The following INF2 variants were observed in gnomAD, a reference collection of about 807,000 sequenced individuals.
INF2 encodes the protein inverted formin-2.
In INF2, 43 loss-of-function variants were observed where a neutral mutation model predicts 123.5. The observed-to-expected ratio is 0.35, with a 90% CI of 0.27 to 0.45. The LOEUF (loss-of-function observed/expected upper bound fraction) is 0.45, where lower values mean the gene tolerates loss of function less well. Among genes scored for constraint, INF2 ranks in the 20% least tolerant of loss-of-function variants. The pLI, the probability that INF2 is intolerant of heterozygous loss-of-function variation, is 1.00. For missense variants in INF2, 1,453 were observed against 1,682.7 expected, an observed-to-expected ratio of 0.86 and a Z score of 2.39; for synonymous variants, 851 against 745.0, an observed-to-expected ratio of 1.14 and a Z score of -2.32.
rs62638758 is a variant in INF2 at position 104,701,407 on chromosome 14, G to A, written c.42G>A (p.Leu14=). 24,811 of 1,594,304 alleles carry A rather than the reference G, an allele frequency of 0.016. 316 individuals carry two copies. The highest frequency in any genetic ancestry group is 0.038 in the South Asian group (3,382 of 88,278). Residue 14 remains leucine (L), a synonymous_variant, in exon 2 of 23, where the codon CTG becomes CTA. Transcript: ENST00000392634. ...KEGAQRKWAA[L]KEKLGPQDSD... The stretch of plus-strand genomic sequence containing the variant: ...GCGCACAGCGCAAGTGGGCAGCGCT[G>A]AAGGAGAAGCTGGGGCCACAGGATT...
In INF2 at chr14:104,720,386, G is replaced by A. The variant is rs1261923107; in HGVS notation, c.*1593G>A. The A allele has an allele frequency of 6.4e-6, 1 of 157,268 alleles. No individual in the cohort carries two copies. The highest frequency in any genetic ancestry group is 1.4e-5 in the Non-Finnish European group (1 of 71,894). 9.7% of individuals were successfully genotyped at this position (157,268 alleles called of 1,614,324 possible). On this transcript the variant is annotated 3_prime_UTR_variant, in exon 23 of 23. Transcript: ENST00000392634. The stretch of plus-strand genomic sequence containing the variant: ...ACGTCTGCGTCGTCCTCGTGTGGAT[G>A]CTGCTGTGGACGTCTGCGTCGTCCT...
rs773018735 is a variant in INF2 at position 104,711,097 on chromosome 14, G to C, written c.2329G>C (p.Ala777Pro). 6.3e-7 allele frequency: 1 copy of C among 1,593,782 alleles called. No homozygotes were observed. The highest frequency in any genetic ancestry group is 1.1e-5 in the South Asian group (1 of 88,410). ...CTCCCAGGGCAGCCACACCGGTGAC[G>C]CCGACGGCTTCAAGATCAGCACATT... Reference protein sequence around the residue: ...FLNYGSHTGDADGFKISTLLK... With the variant: ...FLNYGSHTGDPDGFKISTLLK... Residue 777 changes from alanine to proline, a missense_variant, in exon 15 of 23, where the codon GCC (alanine) becomes CCC (proline). Physicochemically the swap from Ala to Pro is conservative, Grantham distance 27. This residue lies in a region of INF2 where 31 missense variants were observed against 86.0 expected (regional missense o/e 0.36). Transcript: ENST00000392634.
intron 1 of INF2, among the ~76,000 whole-genome samples, chr14:104,701,058 G>A (rs974468230): frequency 3.9e-5 from 6 of 152,142 alleles, no homozygotes; most frequent in Non-Finnish European, 7.4e-5. Flanking sequence ...TGCTGGCCTC[G>A]TGCTGCAGGT....
rs1157384943 is a variant in INF2 at position 104,714,335 on chromosome 14, A to G, written c.3173A>G (p.Gln1058Arg). 1.3e-6 allele frequency: 2 copies of G among 1,592,938 alleles called. No individual in the cohort carries two copies. Among genetic ancestry groups the G allele is most frequent in the Admixed American group, 3.5e-5 (2 of 56,934 alleles). ...DLVDAVTPGPQPTLEQLEEGG... is the reference protein window; with the variant it reads ...DLVDAVTPGPRPTLEQLEEGG... ...GTAGACGCCGTGACCCCCGGCCCTC[A>G]GCCCACCCTGGAGCAGTTGGAGGAG... is the stretch of plus-strand genomic sequence containing the variant. The change falls in exon 21 of 23, where the codon CAG (glutamine) becomes CGG (arginine). Residue 1058 changes from glutamine (Q) to arginine (R), a missense_variant. By Grantham distance (43) the Gln-to-Arg change is conservative (BLOSUM62 1). This residue lies in a region of INF2 where 344 missense variants were observed against 333.1 expected (regional missense o/e 1.03). Coordinates refer to ENST00000392634, the MANE Select transcript of INF2 (RefSeq NM_022489.4).
chr14:104,700,946 T>A, intron 1 of INF2: 1 of 785,946 alleles, frequency 1.3e-6, no homozygotes, highest in Non-Finnish European at 1.5e-6. Flanking sequence ...AGATGCGCCG[T>A]TTTGTCGCAT....
chr14:104,717,404 AC>A (rs1890361550), intron 22 of INF2, among the ~76,000 whole-genome samples: 1 of 151,414 alleles, frequency 6.6e-6, no homozygotes, highest in Admixed American at 6.6e-5. Flanking sequence ...GGGGCGCTTC[AC>A]GTCCACATGC....
intron 1 of INF2, among the ~76,000 whole-genome samples, chr14:104,696,904 A>G (rs1397967635): frequency 6.6e-6 from 1 of 151,584 alleles, no homozygotes; most frequent in East Asian, 1.9e-4. Context: ...CAGAAGGGCG[A>G]CACCACAGCT....
At chr14:104,682,582 G>A (rs1214096045) in intron 1 of INF2, among the ~76,000 whole-genome samples, 2 of 152,188 alleles carry the variant, frequency 1.3e-5, no homozygotes, top group Non-Finnish European at 1.5e-5. Context: ...TGCCTGGCCT[G>A]CAGGCCAGGT....
In INF2 at chr14:104,684,284, C is replaced by T. The variant is rs901684488; in HGVS notation, c.-104+2702C>T. On this transcript the variant is annotated intron_variant, in intron 1 of 2. Coordinates refer to the INF2 transcript ENST00000674723. This position sits in a 1 kb window ranked among gnomAD's most constrained non-coding sequence, Gnocchi z 5.0. ...AGGTCAGCAGGGAGGTGGACTGCGT[C>T]TCCCGAGGGCCAGCACTGGCTTAGC... The T allele has an allele frequency of 2.6e-5, 10 of 382,576 alleles. No homozygotes were observed. The highest frequency in any genetic ancestry group is 4.7e-5 in the Non-Finnish European group (9 of 190,526). 23.7% of individuals were successfully genotyped at this position (382,576 alleles called of 1,614,324 possible).
chr14:104,716,699 A>C (rs908847124), intron 22 of INF2, among the ~76,000 whole-genome samples: 1 of 151,526 alleles, frequency 6.6e-6, no homozygotes, highest in Non-Finnish European at 1.5e-5. Context: ...TTTATTTTTT[A>C]TTTTTTTTCA....
At chr14:104,709,469 A>G (rs1889941911) in intron 11 of INF2, 86 bp downstream of exon 11, 1 of 1,298,942 alleles carries the variant, frequency 7.7e-7, no homozygotes, top group Non-Finnish European at 1.1e-6. Context: ...GCAGGGAGAC[A>G]GAGAAGGGAG....
intron 1 of INF2, among the ~76,000 whole-genome samples, chr14:104,698,295 T>A (rs531585212): frequency 6.6e-6 from 1 of 152,334 alleles, no homozygotes; most frequent in Non-Finnish European, 1.5e-5. Context: ...ATCAGTAAAC[T>A]GTGGATTCCT....
At chr14:104,702,932 C>G (rs959994716) in intron 2 of INF2, among the ~76,000 whole-genome samples, 173 bp from the exon 3 acceptor site, 1 of 152,202 alleles carries the variant, frequency 6.6e-6, no homozygotes, top group African/African-American at 2.4e-5. Flanking sequence ...GCCAGGACAC[C>G]GAGGAGTGGG....
At chr14:104,708,168 A>G (rs1001929415) in intron 8 of INF2, 166 bp downstream of exon 8, 2 of 1,158,960 alleles carry the variant, frequency 1.7e-6, no homozygotes, top group African/African-American at 3.0e-5. Flanking sequence ...TGAGGTGGGG[A>G]CGGGGGAGGA....
intron 15 of INF2, 96 bp from the exon 16 acceptor site, chr14:104,711,533 A>G (rs1890048230): frequency 9.0e-7 from 1 of 1,111,190 alleles, no homozygotes; most frequent in East Asian, 2.4e-5. Flanking sequence ...TCTGGACCTT[A>G]ATTGCTAAGG....
chr14:104,704,880 G>A (rs971250110), intron 5 of INF2: 3 of 152,214 alleles, frequency 2.0e-5, no homozygotes, highest in Admixed American at 6.5e-5. Flanking sequence ...ACGATATTTT[G>A]GTGTAAGTAT....
chr14:104,703,505 G>A lies in INF2; in HGVS notation c.667+51G>A, dbSNP rs756817071. On this transcript the variant is annotated intron_variant, in intron 4 of 22. Transcript: ENST00000392634. ...CCCGCTCCTGCCCGCCTCTTGGCCA[G>A]TGCATCCCATGCTGCATCCACCTGG... is the stretch of plus-strand genomic sequence containing the variant. The A allele has an allele frequency of 2.5e-6, 4 of 1,600,058 alleles. No individual in the cohort carries two copies. The African/African-American group carries it at 4.0e-5, about 16-fold the overall frequency.
chr14:104,692,576 C>T (rs925767029), intron 1 of INF2, among the ~76,000 whole-genome samples: 1 of 152,222 alleles, frequency 6.6e-6, no homozygotes, highest in African/African-American at 2.4e-5. Context: ...ATTACCGGGC[C>T]TCCAAACTCG....
At chr14:104,694,309 C>T (rs1252409236) in intron 1 of INF2, among the ~76,000 whole-genome samples, 1 of 152,252 alleles carries the variant, frequency 6.6e-6, no homozygotes, top group Non-Finnish European at 1.5e-5. Context: ...CCTCGTGTCC[C>T]AGCAAGCATT....
Sources: gnomAD v4.1 joint callset for allele counts (sites outside exome capture counted in the v4.1 genomes callset) on GRCh38, gnomAD v4.1.1 for gene constraint, gnomAD v4.1.1 regional missense constraint, Gnocchi (gnomAD v3.1) non-coding constraint, MANE v1.5 for transcripts, NCBI Gene and HGNC (gene_info 2026-07-23, HGNC 2026-07-21) for gene names.